The following FGFR2 variants were observed in gnomAD, a reference collection of about 807,000 sequenced individuals.
FGFR2 encodes BEK fibroblast growth factor receptor.
In FGFR2, 19 loss-of-function variants were observed where a neutral mutation model predicts 95.9. The ratio of observed to expected loss-of-function variants is 0.20; its 90% CI spans 0.14 to 0.29. The LOEUF is 0.29. FGFR2 is among the 10% of genes least tolerant of loss of function. The pLI is 1.00. For missense variants in FGFR2, 707 were observed against 1,056.9 expected, an observed-to-expected ratio of 0.67 and a Z score of 4.59; for synonymous variants, 392 against 393.3, an observed-to-expected ratio of 1.00 and a Z score of 0.04.
intron 13 of FGFR2, among the ~76,000 whole-genome samples, chr10:121,492,401 CACA>C (rs1467652679): frequency 1.3e-5 from 2 of 151,792 alleles, no homozygotes; most frequent in Non-Finnish European, 2.9e-5. Context: ...CCAACACTCA[CACA>C]CTCACGCACA....
At chr10:121,503,629 T>A (rs1223469077) in intron 10 of FGFR2, among the ~76,000 whole-genome samples, 161 bp downstream of exon 10, 1 of 152,154 alleles carries the variant, frequency 6.6e-6, no homozygotes, top group Non-Finnish European at 1.5e-5. Flanking sequence ...TCCATTTTTT[T>A]CTTTTCCAGG....
intron 6 of FGFR2, 47 bp from the exon 7 acceptor site, chr10:121,520,216 A>G (rs1442491077): frequency 6.4e-7 from 1 of 1,567,212 alleles, no homozygotes; most frequent in South Asian, 1.2e-5. Flanking sequence ...GGAGAATGAG[A>G]GACCAATAAA....
intron 2 of FGFR2, among the ~76,000 whole-genome samples, chr10:121,571,638 ACAAACAAAC>A (rs1300516265): frequency 7.0e-6 from 1 of 143,594 alleles, no homozygotes; most frequent in Non-Finnish European, 1.6e-5. Context: ...AAACAAACAA[ACAAACAAAC>A]AAACAAAAAC....
At chr10:121,536,767 G>C (rs917158306) in intron 6 of FGFR2, among the ~76,000 whole-genome samples, 1 of 152,130 alleles carries the variant, frequency 6.6e-6, no homozygotes, top group African/African-American at 2.4e-5. Flanking sequence ...CTGACTCCAC[G>C]ATGCCTAGAA....
intron 2 of FGFR2, among the ~76,000 whole-genome samples, chr10:121,571,747 C>A (rs1233850556): frequency 1.3e-5 from 2 of 151,800 alleles, no homozygotes; most frequent in Non-Finnish European, 2.9e-5. Context: ...AGTTCGAGAC[C>A]AGCCTGGCCA....
At position 121,580,593 on chromosome 10, in the gene FGFR2, A is replaced by G. The variant is rs45631580; in HGVS notation, c.109+13116T>C. Among the ~76,000 whole-genome samples the G allele has an allele frequency of 0.11, 16,896 of 152,132 alleles. 1,234 individuals are homozygous for G. Among genetic ancestry groups the G allele is most frequent in the African/African-American group, 0.22 (8,983 of 41,476 alleles). The stretch of plus-strand genomic sequence containing the variant: ...CACACTGCCTTCGGGTGGGCGGGAC[A>G]CGGTCCCAGCTGGTTTTGCACCGCA... On this transcript the variant is annotated intron_variant, in intron 2 of 17. Coordinates refer to ENST00000358487, the MANE Select transcript of FGFR2 (RefSeq NM_000141.5).
chr10:121,577,486 C>G (rs1445510105), intron 2 of FGFR2, among the ~76,000 whole-genome samples: 2 of 152,068 alleles, frequency 1.3e-5, no homozygotes, highest in African/African-American at 4.8e-5. Context: ...TGGTCTATTT[C>G]TCAATCCCTA....
intron 2 of FGFR2, among the ~76,000 whole-genome samples, chr10:121,567,264 C>T (rs1247833686): frequency 1.3e-5 from 2 of 152,272 alleles, no homozygotes; most frequent in African/African-American, 2.4e-5. Context: ...ACAGGAGGCC[C>T]GGGGCTTCTC....
intron 9 of FGFR2, among the ~76,000 whole-genome samples, chr10:121,510,491 C>T (rs1006799600): frequency 1.6e-4 from 25 of 152,284 alleles, no homozygotes; most frequent in African/African-American, 6.0e-4. Context: ...AAGGTTTAGA[C>T]CACCTGATTG....
intron 2 of FGFR2, among the ~76,000 whole-genome samples, chr10:121,580,882 T>G (rs938019369): frequency 5.9e-5 from 9 of 151,694 alleles, no homozygotes; most frequent in Admixed American, 5.9e-4. Flanking sequence ...AAAGCAGCAT[T>G]CAGAGGGAAG....
intron 2 of FGFR2, among the ~76,000 whole-genome samples, chr10:121,577,206 G>GAGAGAC (rs1246892910): frequency 8.5e-6 from 1 of 118,278 alleles, no homozygotes; most frequent in Non-Finnish European, 1.7e-5. Context: ...GAGAGAGAGA[G>GAGAGAC]ACACCAAACA....
chr10:121,589,364 G>A (rs1229797861), intron 2 of FGFR2, among the ~76,000 whole-genome samples: 1 of 152,098 alleles, frequency 6.6e-6, no homozygotes, highest in Non-Finnish European at 1.5e-5. Flanking sequence ...GTTTAAACAC[G>A]ACCCCAGTTA....
intron 2 of FGFR2, among the ~76,000 whole-genome samples, chr10:121,591,599 G>T (rs1202132850): frequency 6.6e-6 from 1 of 152,210 alleles, no homozygotes; most frequent in Non-Finnish European, 1.5e-5. Context: ...GGAAACTGAG[G>T]CCTGGGACTT....
intron 12 of FGFR2, among the ~76,000 whole-genome samples, chr10:121,497,768 G>A (rs1045438190): frequency 6.6e-6 from 1 of 152,178 alleles, no homozygotes; most frequent in African/African-American, 2.4e-5. Flanking sequence ...ATTCATTTCT[G>A]TACTTCTAGC....
At chr10:121,484,901 C>G (rs140793494) in intron 16 of FGFR2, among the ~76,000 whole-genome samples, 1 of 152,204 alleles carries the variant, frequency 6.6e-6, no homozygotes, top group Non-Finnish European at 1.5e-5. Context: ...TTCAATGGTT[C>G]GAGAAGTTCT....
chr10:121,593,951 C>CGCT lies in FGFR2; in HGVS notation c.-137_-135dup, dbSNP rs1033831956. 2.5e-6 allele frequency: 2 copies of CGCT among 792,172 alleles called. No homozygotes were observed. The highest frequency in any genetic ancestry group is 2.0e-5 in the Admixed American group (1 of 50,488). 49.1% of individuals were successfully genotyped at this position (792,172 alleles called of 1,614,324 possible). A position where few individuals can be genotyped will look rare whatever the true frequency, so the allele number is the denominator to read the frequency against. ...GTGGGCTCAGGAACCGAGGCGCTGC[C>CGCT]GCTGCTGCTGCAGTCACTAAAGGAA... On this transcript the variant is annotated 5_prime_UTR_variant, in exon 2 of 18. Transcript: ENST00000358487.
chr10:121,591,078 T>C (rs1862583876), intron 2 of FGFR2, among the ~76,000 whole-genome samples: 1 of 152,204 alleles, frequency 6.6e-6, no homozygotes, highest in Non-Finnish European at 1.5e-5. Flanking sequence ...CATTTTCAGC[T>C]GTTAAAAACT....
chr10:121,517,520 G>A lies in FGFR2; in HGVS notation c.940-57C>T, dbSNP rs188719272. The A allele has an allele frequency of 6.4e-4, 1,036 of 1,611,028 alleles. 4 individuals are homozygous for A. In the Middle Eastern group the frequency reaches 8.6e-3, roughly 13 times the overall value. ...AGACGACACAGGAATGATTGTGGAGGGGGCTGTGGAACCACAAGGCGTCGC... is the reference window on the plus strand; with the variant it reads ...AGACGACACAGGAATGATTGTGGAGAGGGCTGTGGAACCACAAGGCGTCGC... On this transcript the variant is annotated intron_variant, in intron 7 of 17. Coordinates refer to ENST00000358487, the MANE Select transcript of FGFR2 (RefSeq NM_000141.5). The surrounding 1 kb of genome is among the most constrained non-coding windows in gnomAD (Gnocchi z 4.7).
intron 9 of FGFR2, among the ~76,000 whole-genome samples, chr10:121,507,037 C>CAA (rs2134111770): frequency 6.6e-6 from 1 of 152,346 alleles, no homozygotes; most frequent in South Asian, 2.1e-4. Context: ...GCCCTTCCTT[C>CAA]TGCTACCAGG....
Sources: allele counts gnomAD v4.1 joint callset (sites outside exome capture counted in the v4.1 genomes callset), GRCh38; gene constraint gnomAD v4.1.1; non-coding constraint Gnocchi (gnomAD v3.1); transcripts MANE v1.5; gene names NCBI Gene and HGNC (gene_info 2026-07-23, HGNC 2026-07-21).